BPTF: variants seen among roughly 807,000 people sequenced by gnomAD.
BPTF encodes bromodomain PHD finger transcription factor.
Under a neutral mutation model 292.5 loss-of-function variants are expected in BPTF, and 18 were observed. The ratio of observed to expected loss-of-function variants is 0.06; its 90% confidence interval spans 0.04 to 0.09. BPTF has a LOEUF of 0.09. Among genes scored for constraint, BPTF ranks in the 10% least tolerant of loss-of-function variants. The probability of loss-of-function intolerance (pLI) is 1.00; values close to 1 mark genes in which losing one functional copy is unlikely to be tolerated. For synonymous variants in BPTF, 1,225 were observed against 1,251.9 expected (o/e 0.98, Z 0.45); for missense variants, 2,726 against 3,498.7 (o/e 0.78, Z 5.57).
intron 17 of BPTF, 84 bp from the exon 18 acceptor site, chr17:67,931,827 T>C (rs1304103640): frequency 1.3e-5 from 12 of 910,906 alleles, no homozygotes; most frequent in Non-Finnish European, 1.8e-5. Context: ...TAATATAGAA[T>C]GTTTAAAGAT....
intron 3 of BPTF, among the ~76,000 whole-genome samples, chr17:67,870,874 A>T (rs1005922001): frequency 1.5e-5 from 2 of 135,014 alleles, no homozygotes; most frequent in Non-Finnish European, 3.1e-5. Context: ...GGTTCACGCC[A>T]TTCTCCTGCC....
At chr17:67,881,491 GTTTTTTTTT>G (rs140810889) in intron 4 of BPTF, among the ~76,000 whole-genome samples, 1 of 92,520 alleles carries the variant, frequency 1.1e-5, no homozygotes, top group Admixed American at 1.3e-4. Context: ...CATAATCAAG[GTTTTTTTTT>G]TTTTTTTTTT....
chr17:67,910,799 CA>C (rs929398503), intron 10 of BPTF, 77 bp from the exon 11 acceptor site: 11,790 of 891,872 alleles, frequency 0.013, 1 homozygote, highest in Middle Eastern at 0.015. Flanking sequence ...GACTCCATCT[CA>C]AAAAAAAAAA....
intron 18 of BPTF, 86 bp downstream of exon 18, chr17:67,932,105 A>T: frequency 8.8e-7 from 1 of 1,135,690 alleles, no homozygotes; most frequent in Non-Finnish European, 1.3e-6. Flanking sequence ...ACTACATACG[A>T]GAAATATAAT....
At chr17:67,916,328 C>T (rs2062983349) in intron 11 of BPTF, among the ~76,000 whole-genome samples, 1 of 152,146 alleles carries the variant, frequency 6.6e-6, no homozygotes, top group Admixed American at 6.5e-5. Flanking sequence ...TTCAGGTGGG[C>T]TCACGCCTCC....
chr17:67,859,301 G>A (rs1334019726), intron 2 of BPTF, among the ~76,000 whole-genome samples: 4 of 152,088 alleles, frequency 2.6e-5, no homozygotes, highest in South Asian at 2.1e-4. Flanking sequence ...ATGTGCCACC[G>A]TGCCCAGCTA....
chr17:67,889,997 C>T (rs907094321), intron 4 of BPTF, among the ~76,000 whole-genome samples: 7 of 152,054 alleles, frequency 4.6e-5, no homozygotes, highest in Non-Finnish European at 7.4e-5. Context: ...CTGTTTAAAA[C>T]AAAAATCTGT....
chr17:67,862,726 T>C (rs2059157408), intron 2 of BPTF, among the ~76,000 whole-genome samples: 1 of 152,066 alleles, frequency 6.6e-6, no homozygotes, highest in Non-Finnish European at 1.5e-5. Flanking sequence ...AAATTGATTA[T>C]TTAACAGTTT....
At chr17:67,944,556 C>T in intron 20 of BPTF, 184 bp downstream of exon 20, 2 of 621,964 alleles carry the variant, frequency 3.2e-6, no homozygotes, top group Non-Finnish European at 5.6e-6. Flanking sequence ...TACAGACTCC[C>T]TGTTACCACC....
In BPTF at chr17:67,911,576, G is replaced by A. The variant is rs1043743618; in HGVS notation, c.3692G>A (p.Cys1231Tyr). 3.7e-6 allele frequency: 6 copies of A among 1,614,012 alleles called. No individual in the cohort carries two copies. The highest frequency in any genetic ancestry group is 1.7e-5 in the Admixed American group (1 of 59,988). ...GCAGATGATATTGGTACTTTGATCTGTAAGAACAAAAAACCGCTCATACAG... is the reference window on the plus strand; with the variant it reads ...GCAGATGATATTGGTACTTTGATCTATAAGAACAAAAAACCGCTCATACAG... The part of the protein sequence containing the change: ...ASADDIGTLI[C>Y]KNKKPLIQEE... The change falls in exon 11 of 28, where the codon TGT becomes TAT. Residue 1231 changes from cysteine to tyrosine, a missense_variant. Cys to Tyr is a radical substitution (Grantham distance 194). Coordinates refer to ENST00000306378, the MANE Select transcript of BPTF (RefSeq NM_182641.4).
intron 5 of BPTF, chr17:67,893,076 G>T: frequency 1.5e-5 from 5 of 322,800 alleles, no homozygotes; most frequent in Non-Finnish European, 2.9e-5. Flanking sequence ...TTATATGTAT[G>T]GTTTCATGGG....
chr17:67,904,034 A>G (rs2062019536), intron 8 of BPTF, 116 bp downstream of exon 8: 1 of 965,260 alleles, frequency 1.0e-6, no homozygotes. Context: ...TTATTTATTT[A>G]TTTATTTATT....
Position 67,881,872 on chromosome 17 carries a change from T to TG in BPTF, c.1864+6852_1864+6853insG. On this transcript the variant is annotated intron_variant, in intron 4 of 27. Transcript: ENST00000306378. Reference sequence around the variant, plus strand: ...TTTGGGTTTTTGTTTTTTTTTTTTTTTTTTTTTTTTTTGAGACAGGGTCTT... The same window carrying TG: ...TTTGGGTTTTTGTTTTTTTTTTTTTTGTTTTTTTTTTTTGAGACAGGGTCTT... Among the ~76,000 whole-genome samples, 3 of 131,798 alleles carry TG rather than the reference T, an allele frequency of 2.3e-5. 1 individual carries two copies. Among genetic ancestry groups the TG allele is most frequent in the Non-Finnish European group, 4.6e-5 (3 of 65,176 alleles). 86.5% of individuals were successfully genotyped at this position (131,798 alleles called of 152,430 possible). A position where few individuals can be genotyped will look rare whatever the true frequency, so the allele number is the denominator to read the frequency against.
At chr17:67,935,188 C>CT (rs2147671407) in intron 18 of BPTF, among the ~76,000 whole-genome samples, 1 of 152,284 alleles carries the variant, frequency 6.6e-6, no homozygotes, top group East Asian at 1.9e-4. Flanking sequence ...CTTTGGGAGA[C>CT]TAAGGCAGTC....
At position 67,913,059 on chromosome 17, in the gene BPTF, T is replaced by C; in HGVS notation, c.5175T>C (p.Asn1725=). Residue 1725 remains asparagine (N), a synonymous_variant, in exon 11 of 28, where the codon AAT becomes AAC. Coordinates refer to ENST00000306378, the MANE Select transcript of BPTF (RefSeq NM_182641.4). The part of the protein sequence containing the change: ...SSKKSIFVLP[N]DDLKKLARKG... ...AGAAGAGCATTTTTGTTTTGCCTAA[T>C]GATGACTTAAAAAAGTTGGCCCGAA... The C allele has an allele frequency of 6.2e-7, 1 of 1,614,208 alleles. No individual in the cohort carries two copies. The highest frequency in any genetic ancestry group is 8.5e-7 in the Non-Finnish European group (1 of 1,180,042).
chr17:67,970,510 G>A (rs1555690270), intron 26 of BPTF, among the ~76,000 whole-genome samples: 1 of 152,118 alleles, frequency 6.6e-6, no homozygotes, highest in Non-Finnish European at 1.5e-5. Context: ...ACGTATTGTT[G>A]GGAAAAGAAG....
At chr17:67,871,766 T>C (rs1027504055) in intron 3 of BPTF, among the ~76,000 whole-genome samples, 3 of 152,218 alleles carry the variant, frequency 2.0e-5, no homozygotes, top group Admixed American at 1.3e-4. Context: ...TTTCATCCTT[T>C]AATGTTTTTC....
chr17:67,934,739 G>A (rs868035583), intron 18 of BPTF, among the ~76,000 whole-genome samples: 2 of 151,608 alleles, frequency 1.3e-5, no homozygotes, highest in African/African-American at 2.4e-5. Flanking sequence ...GGGTGTGGTG[G>A]TGCACACCTG....
chr17:67,874,012 A>ATGGATGGATGGG (rs2059911069), intron 3 of BPTF, among the ~76,000 whole-genome samples: 2 of 152,072 alleles, frequency 1.3e-5, no homozygotes, highest in Admixed American at 6.6e-5. Context: ...GGATGGATGG[A>ATGGATGGATGGG]TGGATGGATG....
Sources: allele counts gnomAD v4.1 joint callset (sites outside exome capture counted in the v4.1 genomes callset), GRCh38; gene constraint gnomAD v4.1.1; transcripts MANE v1.5; gene names NCBI Gene and HGNC (gene_info 2026-07-23, HGNC 2026-07-21).